Variants in FBXL7 observed in about 807,000 individuals in gnomAD.
FBXL7 encodes the protein F-box/LRR-repeat protein 7.
FBXL7 carries 12 observed loss-of-function variants against 38.3 expected under a neutral mutation model. The observed-to-expected ratio is 0.31, with a 90% CI of 0.20 to 0.51. The LOEUF is 0.51. Among genes scored for constraint, FBXL7 ranks in the 20% least tolerant of loss-of-function variants. FBXL7 has a pLI of 0.98. For missense variants in FBXL7, 567 were observed against 676.4 expected (o/e 0.84, Z 1.79); for synonymous variants, 297 against 300.9 (o/e 0.99, Z 0.13).
At chr5:15,559,864 G>A (rs1238215683) in intron 1 of FBXL7, among the ~76,000 whole-genome samples, 2 of 152,184 alleles carry the variant, frequency 1.3e-5, no homozygotes, top group Non-Finnish European at 2.9e-5. Context: ...CGCACATTAA[G>A]TTTTATGTGT....
Position 15,796,044 on chromosome 5 carries a change from A to C in FBXL7, c.128-131846A>C, listed in dbSNP as rs1737408714. On this transcript the variant is annotated intron_variant, in intron 2 of 3. Transcript: ENST00000504595. ...CCCTTGAATTGATTGCCTGCAGAGTAAATTGTTAAATTGTGAATAAATCTT... is the reference window on the plus strand; with the variant it reads ...CCCTTGAATTGATTGCCTGCAGAGTCAATTGTTAAATTGTGAATAAATCTT... Among the ~76,000 whole-genome samples, 3 of 152,234 alleles carry C rather than the reference A, an allele frequency of 2.0e-5. No homozygotes were observed. The South Asian group carries it at 6.2e-4, about 31-fold the overall frequency.
chr5:15,631,667 C>CAAA lies in FBXL7; in HGVS notation c.127+15621_127+15623dup, dbSNP rs754975686. Among the ~76,000 whole-genome samples the CAAA allele has an allele frequency of 1.1e-3, 48 of 43,924 alleles. 2 individuals are homozygous for CAAA. Among genetic ancestry groups the CAAA allele is most frequent in the African/African-American group, 3.7e-3 (42 of 11,390 alleles). The allele number at this position is 43,924 out of a possible 152,430, so 28.8% of individuals were successfully genotyped here. A position where few individuals can be genotyped will look rare whatever the true frequency, so the allele number is the denominator to read the frequency against. ...AGCCTGGGCAACAAGAGCGAGACTCCAAAAAAAAAAAAAAAAAAAAAAAAA... is the reference window on the plus strand; with the variant it reads ...AGCCTGGGCAACAAGAGCGAGACTCCAAAAAAAAAAAAAAAAAAAAAAAAAAAA... On this transcript the variant is annotated intron_variant, in intron 2 of 3. Coordinates refer to ENST00000504595, the MANE Select transcript of FBXL7 (RefSeq NM_012304.5).
chr5:15,877,111 C>G lies in FBXL7; in HGVS notation c.128-50779C>G, dbSNP rs190302298. Among the ~76,000 whole-genome samples the G allele has an allele frequency of 3.0e-3, 458 of 152,290 alleles. 3 individuals carry two copies. The highest frequency in any genetic ancestry group is 0.01 in the Middle Eastern group (3 of 294). ...TAGTTACTACCAAAGACAAATCAAA[C>G]CCCCAGCACACAGCATCCCATTTTT... On this transcript the variant is annotated intron_variant, in intron 2 of 3. Coordinates refer to ENST00000504595, the MANE Select transcript of FBXL7 (RefSeq NM_012304.5).
intron 2 of FBXL7, among the ~76,000 whole-genome samples, chr5:15,668,202 T>C (rs1480243331): frequency 6.6e-6 from 1 of 152,188 alleles, no homozygotes; most frequent in African/African-American, 2.4e-5. Context: ...TCAGCTCCAC[T>C]GACAGCCACA....
chr5:15,913,740 G>A (rs767934963), intron 2 of FBXL7, among the ~76,000 whole-genome samples: 8 of 152,184 alleles, frequency 5.3e-5, no homozygotes, highest in Non-Finnish European at 8.8e-5. Flanking sequence ...GAAAATTACG[G>A]ATTGCAAGCC....
At chr5:15,553,172 C>T (rs1738135586) in intron 1 of FBXL7, among the ~76,000 whole-genome samples, 1 of 152,132 alleles carries the variant, frequency 6.6e-6, no homozygotes, top group South Asian at 2.1e-4. Context: ...CTCATTTGGA[C>T]CCCAGCCCTC....
At chr5:15,845,620 C>A (rs1440417934) in intron 2 of FBXL7, among the ~76,000 whole-genome samples, 1 of 152,074 alleles carries the variant, frequency 6.6e-6, no homozygotes, top group African/African-American at 2.4e-5. Context: ...AACATTATAT[C>A]ATTACTTAAC....
intron 2 of FBXL7, among the ~76,000 whole-genome samples, chr5:15,667,569 A>G (rs1742326052): frequency 6.6e-6 from 1 of 152,166 alleles, no homozygotes; most frequent in Non-Finnish European, 1.5e-5. Flanking sequence ...ATTCTGTGTA[A>G]GAAAGTTGGT....
At chr5:15,513,159 A>G (rs1736846549) in intron 1 of FBXL7, among the ~76,000 whole-genome samples, 1 of 152,230 alleles carries the variant, frequency 6.6e-6, no homozygotes, top group Non-Finnish European at 1.5e-5. Context: ...GTAAGAAAAA[A>G]AAGAACAATA....
At chr5:15,648,204 T>C (rs1182937709) in intron 2 of FBXL7, among the ~76,000 whole-genome samples, 2 of 152,242 alleles carry the variant, frequency 1.3e-5, no homozygotes, top group Admixed American at 6.5e-5. Context: ...ATTGAACTCA[T>C]TGAAGAATTG....
chr5:15,638,119 A>G (rs979922604), intron 2 of FBXL7, among the ~76,000 whole-genome samples: 3 of 152,226 alleles, frequency 2.0e-5, no homozygotes. Context: ...GTCTATGACA[A>G]AGGCAAAGGA....
chr5:15,577,971 C>T (rs1457941568), intron 1 of FBXL7, among the ~76,000 whole-genome samples: 1 of 152,156 alleles, frequency 6.6e-6, no homozygotes, highest in African/African-American at 2.4e-5. Context: ...TGTTCTTCTG[C>T]AGCACCTGTG....
chr5:15,752,284 T>C (rs1210703065), intron 2 of FBXL7, among the ~76,000 whole-genome samples: 2 of 150,852 alleles, frequency 1.3e-5, no homozygotes, highest in African/African-American at 4.9e-5. Flanking sequence ...AAAAATAAAA[T>C]AAAATTGCAG....
intron 2 of FBXL7, among the ~76,000 whole-genome samples, chr5:15,710,399 T>C (rs1743824909): frequency 6.6e-6 from 1 of 152,208 alleles, no homozygotes; most frequent in East Asian, 1.9e-4. Flanking sequence ...TGGAATGCTC[T>C]TTCCCTCAGC....
intron 2 of FBXL7, among the ~76,000 whole-genome samples, chr5:15,807,593 G>A (rs389804): frequency 0.54 from 81,891 of 151,966 alleles, 23,239 homozygotes; most frequent in Non-Finnish European, 0.64. Flanking sequence ...CTCTTGATTA[G>A]AACTTAATTG....
chr5:15,615,732 T>C (rs1740424601), intron 1 of FBXL7, among the ~76,000 whole-genome samples: 1 of 152,218 alleles, frequency 6.6e-6, no homozygotes, highest in Non-Finnish European at 1.5e-5. Context: ...TTGACTACGT[T>C]TTATAATCTT....
chr5:15,795,765 A>G (rs1418836377), intron 2 of FBXL7, among the ~76,000 whole-genome samples: 1 of 152,142 alleles, frequency 6.6e-6, no homozygotes. Context: ...GTTTATTTCA[A>G]TTTGGAAGGA....
At chr5:15,701,347 A>G (rs1743515562) in intron 2 of FBXL7, among the ~76,000 whole-genome samples, 2 of 152,194 alleles carry the variant, frequency 1.3e-5, no homozygotes, top group Admixed American at 1.3e-4. Flanking sequence ...CCTTCATTAG[A>G]AAACATTAGA....
intron 2 of FBXL7, among the ~76,000 whole-genome samples, chr5:15,913,777 CTCTTGTCAAGACA>C (rs1378041364): frequency 1.3e-5 from 2 of 152,168 alleles, no homozygotes; most frequent in African/African-American, 4.8e-5. Flanking sequence ...TGTGTTTCTT[CTCTTGTCAAGACA>C]AGAAAGAGCT....
Sources: gnomAD v4.1 joint callset for allele counts (sites outside exome capture counted in the v4.1 genomes callset) on GRCh38, gnomAD v4.1.1 for gene constraint, MANE v1.5 for transcripts, NCBI Gene and HGNC (gene_info 2026-07-23, HGNC 2026-07-21) for gene names.